Variants in CCDC12 observed in about 807,000 individuals in gnomAD.
CCDC12 encodes the protein coiled-coil domain containing 12.
A neutral mutation model predicts 25.7 loss-of-function variants in CCDC12; 28 were observed. The ratio of observed to expected loss-of-function variants is 1.09; its 90% CI spans 0.81 to 1.50. The LOEUF is 1.50. Among genes scored for constraint, CCDC12 ranks in the 40% most tolerant of loss-of-function variants. The probability of loss-of-function intolerance (pLI) is 0.00; values close to 1 mark genes in which losing one functional copy is unlikely to be tolerated. For missense variants in CCDC12, 198 were observed against 210.0 expected, an observed-to-expected ratio of 0.94 and a Z score of 0.35; for synonymous variants, 75 against 87.7, an observed-to-expected ratio of 0.86 and a Z score of 0.81.
At chr3:46,923,413 A>C in intron 4 of CCDC12, 50 bp from the exon 5 acceptor site, 1 of 1,553,352 alleles carries the variant, frequency 6.4e-7, no homozygotes, top group Non-Finnish European at 8.7e-7. Flanking sequence ...CCCCAGGACA[A>C]GGGGGAGGGC....
rs779170392 is a variant in CCDC12 at position 46,976,733 on chromosome 3, C to T, written c.-1G>A. The T allele has an allele frequency of 6.2e-7, 1 of 1,605,490 alleles. No homozygotes were observed. The highest frequency in any genetic ancestry group is 8.5e-7 in the Non-Finnish European group (1 of 1,176,124). On this transcript the variant is annotated 5_prime_UTR_variant, in exon 1 of 7. Coordinates refer to ENST00000683445, the MANE Select transcript of CCDC12 (RefSeq NM_001277074.2). The stretch of plus-strand genomic sequence containing the variant: ...CCACACCAGCCGTAGTTGCCTCCAT[C>T]TTGCCCGCGTACGCCCCTCCTTTTC...
intron 1 of CCDC12, among the ~76,000 whole-genome samples, chr3:46,969,958 A>C (rs1437345578): frequency 6.9e-6 from 1 of 144,058 alleles, no homozygotes; most frequent in Non-Finnish European, 1.5e-5. Context: ...GCTGGGGTGC[A>C]GTGACGTGAT....
upstream of CCDC12, among the ~76,000 whole-genome samples, chr3:46,980,928 G>A (rs1360233427): frequency 1.3e-5 from 2 of 152,204 alleles, no homozygotes; most frequent in African/African-American, 4.8e-5. Flanking sequence ...CAGTTTGTCA[G>A]TGGGGGGAAT....
chr3:46,939,308 G>C (rs529831441), intron 2 of CCDC12, among the ~76,000 whole-genome samples: 4 of 152,010 alleles, frequency 2.6e-5, no homozygotes, highest in Non-Finnish European at 4.4e-5. Flanking sequence ...CTTACTGTAT[G>C]ACCCACCCAC....
intron 2 of CCDC12, among the ~76,000 whole-genome samples, chr3:46,930,899 T>G (rs1487219450): frequency 6.6e-6 from 1 of 152,188 alleles, no homozygotes; most frequent in Non-Finnish European, 1.5e-5. Context: ...CACGTGGCCC[T>G]GTGTCGGCTG....
chr3:46,936,150 C>G (rs1475873756), intron 2 of CCDC12, among the ~76,000 whole-genome samples: 4 of 152,206 alleles, frequency 2.6e-5, no homozygotes, highest in Non-Finnish European at 5.9e-5. Flanking sequence ...TACAGTGTAT[C>G]TGGTTAGACA....
At chr3:46,962,960 G>C (rs1440833565) in intron 1 of CCDC12, among the ~76,000 whole-genome samples, 2 of 152,186 alleles carry the variant, frequency 1.3e-5, no homozygotes, top group African/African-American at 2.4e-5. Context: ...ATCCAGAGGA[G>C]AATGGATAAA....
chr3:46,963,245 C>T (rs1176486561), intron 1 of CCDC12, among the ~76,000 whole-genome samples: 1 of 152,130 alleles, frequency 6.6e-6, no homozygotes, highest in Non-Finnish European at 1.5e-5. Context: ...GCATGTTCAC[C>T]TTAGGAAAAT....
rs551138881 is a variant in CCDC12 at position 46,952,617 on chromosome 3, T to A, written c.97-11552A>T. Among the ~76,000 whole-genome samples, 28 of 152,362 alleles carry A rather than the reference T, an allele frequency of 1.8e-4. No individual in the cohort carries two copies. In the East Asian group the frequency reaches 4.8e-3, roughly 26 times the overall value. ...TCCATAAAATTGGAAGATTTTCCATTAGAAGGTGAGCCCTGGGCAGTGCCG... is the reference window on the plus strand; with the variant it reads ...TCCATAAAATTGGAAGATTTTCCATAAGAAGGTGAGCCCTGGGCAGTGCCG... On this transcript the variant is annotated intron_variant, in intron 1 of 6. Transcript: ENST00000683445.
At chr3:46,930,956 G>A (rs1374679639) in intron 2 of CCDC12, among the ~76,000 whole-genome samples, 1 of 152,232 alleles carries the variant, frequency 6.6e-6, no homozygotes, top group Non-Finnish European at 1.5e-5. Context: ...GGCAGCTCCA[G>A]GAGGGGCTCA....
intron 1 of CCDC12, among the ~76,000 whole-genome samples, chr3:46,943,550 G>T (rs180778557): frequency 1.9e-3 from 297 of 152,350 alleles, no homozygotes; most frequent in Admixed American, 3.5e-3. Flanking sequence ...GGCAGAAGTA[G>T]GTGGGGACTA....
chr3:46,927,873 T>C (rs933246980), intron 2 of CCDC12, among the ~76,000 whole-genome samples: 1 of 152,150 alleles, frequency 6.6e-6, no homozygotes, highest in Non-Finnish European at 1.5e-5. Context: ...TTCCCCTCCC[T>C]AATGCCCACT....
At chr3:46,939,393 C>CAAAT (rs2033603375) in intron 2 of CCDC12, among the ~76,000 whole-genome samples, 1 of 152,020 alleles carries the variant, frequency 6.6e-6, no homozygotes, top group African/African-American at 2.4e-5. Flanking sequence ...ACACCACCAG[C>CAAAT]AAATCAAAGC....
chr3:46,940,307 G>A (rs1484027610), intron 2 of CCDC12, among the ~76,000 whole-genome samples: 3 of 152,198 alleles, frequency 2.0e-5, no homozygotes, highest in Non-Finnish European at 4.4e-5. Flanking sequence ...CCTTGTGCCT[G>A]CAATCACGAG....
chr3:46,972,871 G>A (rs1183013660), intron 1 of CCDC12, among the ~76,000 whole-genome samples: 1 of 152,010 alleles, frequency 6.6e-6, no homozygotes, highest in African/African-American at 2.4e-5. Context: ...AATGTAAATG[G>A]TGCAGCCACT....
chr3:46,939,131 C>T (rs79359266), intron 2 of CCDC12, among the ~76,000 whole-genome samples: 5,759 of 152,274 alleles, frequency 0.038, 148 homozygotes, highest in Middle Eastern at 0.075. Flanking sequence ...AGCAGACAAC[C>T]AATAAAGTCA....
At chr3:46,937,745 A>G (rs1004944079) in intron 2 of CCDC12, among the ~76,000 whole-genome samples, 3 of 152,198 alleles carry the variant, frequency 2.0e-5, no homozygotes, top group East Asian at 1.9e-4. Flanking sequence ...CTCTTCCTGG[A>G]AAGTCCATCA....
intron 2 of CCDC12, among the ~76,000 whole-genome samples, chr3:46,933,200 C>T (rs767779867): frequency 3.3e-5 from 5 of 152,248 alleles, no homozygotes; most frequent in African/African-American, 1.2e-4. Context: ...CCTCCCTCAA[C>T]GGGAGCCCAG....
At chr3:46,936,830 CT>C (rs1421531876) in intron 2 of CCDC12, among the ~76,000 whole-genome samples, 1 of 152,220 alleles carries the variant, frequency 6.6e-6, no homozygotes, top group East Asian at 1.9e-4. Context: ...CAGATGGACC[CT>C]GCTCTCTGCC....
Sources: gnomAD v4.1 joint callset for allele counts (sites outside exome capture counted in the v4.1 genomes callset) on GRCh38, gnomAD v4.1.1 for gene constraint, MANE v1.5 for transcripts, NCBI Gene and HGNC (gene_info 2026-07-23, HGNC 2026-07-21) for gene names.